Variants in TMEM132D observed in about 807,000 individuals in gnomAD.
TMEM132D encodes the protein mature OL transmembrane protein.
TMEM132D carries 21 observed loss-of-function variants against 62.3 expected under a neutral mutation model. That is an observed-to-expected ratio of 0.34 (90% CI 0.24 to 0.49). TMEM132D has a LOEUF of 0.49. TMEM132D is among the 20% of genes least tolerant of loss of function. The probability of loss-of-function intolerance (pLI) is 0.99; values close to 1 mark genes in which losing one functional copy is unlikely to be tolerated. For missense variants in TMEM132D, 1,346 were observed against 1,402.8 expected (o/e 0.96, Z 0.65); for synonymous variants, 621 against 575.6 (o/e 1.08, Z -1.13).
At chr12:129,194,771 G>A (rs972222534) in intron 5 of TMEM132D, among the ~76,000 whole-genome samples, 9 of 152,112 alleles carry the variant, frequency 5.9e-5, no homozygotes, top group African/African-American at 1.7e-4. Context: ...GAGTATACAG[G>A]TGTCTCCTTA....
chr12:129,874,602 A>AAC (rs1555237914), intron 1 of TMEM132D, among the ~76,000 whole-genome samples: 1 of 151,308 alleles, frequency 6.6e-6, no homozygotes, highest in Non-Finnish European at 1.5e-5. Context: ...TAAAAAAAAA[A>AAC]AAAAAACGGA....
chr12:129,498,325 C>A (rs1369308744), intron 3 of TMEM132D, among the ~76,000 whole-genome samples: 1 of 152,170 alleles, frequency 6.6e-6, no homozygotes, highest in African/African-American at 2.4e-5. Context: ...ACGATCTCAG[C>A]TCACTGCAAC....
At chr12:129,383,542 T>G (rs1871014252) in intron 3 of TMEM132D, among the ~76,000 whole-genome samples, 1 of 152,148 alleles carries the variant, frequency 6.6e-6, no homozygotes, top group Admixed American at 6.5e-5. Context: ...CTCTGCCTCC[T>G]GGGTTCTGGT....
intron 2 of TMEM132D, among the ~76,000 whole-genome samples, chr12:129,653,037 A>G (rs923138484): frequency 1.3e-5 from 2 of 152,230 alleles, no homozygotes; most frequent in African/African-American, 4.8e-5. Flanking sequence ...ATAATCCACC[A>G]GTGGACGCAT....
intron 3 of TMEM132D, among the ~76,000 whole-genome samples, chr12:129,379,532 G>A (rs543996485): frequency 2.6e-5 from 4 of 152,308 alleles, no homozygotes; most frequent in Admixed American, 2.6e-4. Context: ...ATCCTGGCCT[G>A]TCCTACCCTG....
intron 4 of TMEM132D, among the ~76,000 whole-genome samples, chr12:129,335,281 G>A (rs767571751): frequency 3.3e-5 from 5 of 151,860 alleles, no homozygotes; most frequent in Non-Finnish European, 5.9e-5. Flanking sequence ...ATCGGCATGT[G>A]CCATCACACC....
chr12:129,543,253 G>A (rs1163652410), intron 2 of TMEM132D, among the ~76,000 whole-genome samples: 1 of 125,178 alleles, frequency 8.0e-6, no homozygotes, highest in African/African-American at 3.1e-5. Context: ...GTGGGTGGGT[G>A]GGTGGATGGA....
intron 1 of TMEM132D, among the ~76,000 whole-genome samples, chr12:129,888,547 A>T (rs998483692): frequency 1.3e-5 from 2 of 151,874 alleles, no homozygotes; most frequent in East Asian, 1.9e-4. Context: ...AAAATACAAT[A>T]AAAAAAATTA....
At chr12:129,460,460 C>T (rs77196735) in intron 3 of TMEM132D, among the ~76,000 whole-genome samples, 3,277 of 152,276 alleles carry the variant, frequency 0.022, 111 homozygotes, top group African/African-American at 0.074. Context: ...GCAGCTGTGA[C>T]ATCTATTAGA....
chr12:129,609,007 C>T (rs1878698993), intron 2 of TMEM132D, among the ~76,000 whole-genome samples: 1 of 149,384 alleles, frequency 6.7e-6, no homozygotes, highest in African/African-American at 2.5e-5. Context: ...GTGGCGTGAT[C>T]TTGGCCCACT....
chr12:129,609,884 T>C (rs573755930), intron 2 of TMEM132D, among the ~76,000 whole-genome samples: 1 of 152,320 alleles, frequency 6.6e-6, no homozygotes, highest in East Asian at 1.9e-4. Context: ...TGGGGGTTTA[T>C]CCCTCAAGCC....
chr12:129,479,635 T>G (rs1257355029), intron 3 of TMEM132D, among the ~76,000 whole-genome samples: 2 of 152,132 alleles, frequency 1.3e-5, no homozygotes, highest in Non-Finnish European at 2.9e-5. Context: ...TTACAGTATG[T>G]GAGAAGCTGA....
At chr12:129,116,426 T>C (rs1273093697) in intron 5 of TMEM132D, among the ~76,000 whole-genome samples, 1 of 152,056 alleles carries the variant, frequency 6.6e-6, no homozygotes, top group African/African-American at 2.4e-5. Flanking sequence ...AGCAAACGTT[T>C]AGAAAGACCC....
At chr12:129,842,545 TGCAGCC>T (rs1158329635) in intron 1 of TMEM132D, among the ~76,000 whole-genome samples, 2 of 152,104 alleles carry the variant, frequency 1.3e-5, no homozygotes, top group Non-Finnish European at 2.9e-5. Flanking sequence ...CTTATCTCAC[TGCAGCC>T]TCAGCCTCCT....
At chr12:129,279,171 G>T (rs973504694) in intron 4 of TMEM132D, among the ~76,000 whole-genome samples, 2 of 152,168 alleles carry the variant, frequency 1.3e-5, no homozygotes, top group Admixed American at 6.5e-5. Context: ...CTCATGGGAC[G>T]GCAGTCTGCA....
chr12:129,132,205 C>T (rs1565974060), intron 5 of TMEM132D, among the ~76,000 whole-genome samples: 1 of 152,154 alleles, frequency 6.6e-6, no homozygotes, highest in Non-Finnish European at 1.5e-5. Flanking sequence ...AAAGGAGACT[C>T]TGTAATATCT....
intron 3 of TMEM132D, among the ~76,000 whole-genome samples, chr12:129,467,084 A>C (rs929736061): frequency 2.0e-5 from 3 of 152,186 alleles, no homozygotes; most frequent in African/African-American, 7.2e-5. Context: ...TAACAGAATA[A>C]AATTTAAAAT....
intron 2 of TMEM132D, among the ~76,000 whole-genome samples, chr12:129,556,325 C>T (rs551060840): frequency 2.0e-5 from 3 of 152,248 alleles, no homozygotes; most frequent in South Asian, 4.2e-4. Context: ...CAACACCTGC[C>T]CACCTGACAC....
chr12:129,171,384 C>T (rs1877723067), intron 5 of TMEM132D, among the ~76,000 whole-genome samples: 1 of 152,188 alleles, frequency 6.6e-6, no homozygotes, highest in East Asian at 1.9e-4. Flanking sequence ...TCAAAGTCAT[C>T]TAGTGGGGCT....
Sources: allele counts gnomAD v4.1 joint callset (sites outside exome capture counted in the v4.1 genomes callset), GRCh38; gene constraint gnomAD v4.1.1; transcripts MANE v1.5; gene names NCBI Gene and HGNC (gene_info 2026-07-23, HGNC 2026-07-21).